The following WWOX variants were observed in gnomAD, a reference collection of about 807,000 sequenced individuals.
WWOX encodes the protein WW domain containing oxidoreductase, also known as WW domain-containing oxidoreductase.
Under a neutral mutation model 46.2 loss-of-function variants are expected in WWOX, and 69 were observed. The ratio of observed to expected loss-of-function variants is 1.49; its 90% CI spans 1.23 to 1.82. The LOEUF is 1.82. WWOX is among the 40% of genes most tolerant of loss of function. WWOX has a pLI of 0.00. For synonymous variants in WWOX, 359 were observed against 202.6 expected (o/e 1.77, Z -6.56); for missense variants, 919 against 542.6 (o/e 1.69, Z -6.89).
At chr16:78,602,910 C>T (rs1029443453) in intron 8 of WWOX, among the ~76,000 whole-genome samples, 2 of 152,134 alleles carry the variant, frequency 1.3e-5, no homozygotes, top group Non-Finnish European at 2.9e-5. Context: ...CTGTCTTCTG[C>T]ATACACTTTT....
chr16:79,162,497 C>A (rs2050506494), intron 8 of WWOX, among the ~76,000 whole-genome samples: 2 of 152,096 alleles, frequency 1.3e-5, no homozygotes, highest in Non-Finnish European at 2.9e-5. Context: ...TAGTAGGCAA[C>A]ATTGATGGTA....
intron 8 of WWOX, among the ~76,000 whole-genome samples, chr16:78,968,326 A>G (rs115479993): frequency 0.036 from 5,456 of 152,224 alleles, 345 homozygotes; most frequent in African/African-American, 0.12. Context: ...GTCACCACCG[A>G]CCCGAGGCAG....
intron 5 of WWOX, among the ~76,000 whole-genome samples, chr16:78,313,771 G>A (rs1355811606): frequency 1.3e-5 from 2 of 152,142 alleles, no homozygotes; most frequent in Non-Finnish European, 2.9e-5. Flanking sequence ...CTTCTATTAT[G>A]GAAGAGGGCT....
chr16:78,177,732 A>C (rs548203806), intron 5 of WWOX, among the ~76,000 whole-genome samples: 1 of 152,306 alleles, frequency 6.6e-6, no homozygotes, highest in East Asian at 1.9e-4. Context: ...AGTGGTGGTG[A>C]TACAGTCCAT....
At chr16:78,720,584 G>C (rs760950068) in intron 8 of WWOX, among the ~76,000 whole-genome samples, 9 of 151,554 alleles carry the variant, frequency 5.9e-5, no homozygotes, top group Non-Finnish European at 1.3e-4. Flanking sequence ...AGATGTTCAG[G>C]ATTTCAGACC....
rs987996732 is a variant in WWOX, at chr16:78,538,748, A to G, written c.1056+105996A>G. On this transcript the variant is annotated intron_variant, in intron 8 of 8. Coordinates refer to ENST00000566780, the MANE Select transcript of WWOX (RefSeq NM_016373.4). The stretch of plus-strand genomic sequence containing the variant: ...ATTTCTAATACCAGCATCTGATTTT[A>G]AAACCCTGATTTAGGAGCATTTTCT... 2.0e-5 allele frequency among the ~76,000 whole-genome samples: 3 copies of G among 152,230 alleles called. No homozygotes were observed. In the East Asian group the frequency reaches 5.8e-4, roughly 29 times the overall value.
intron 8 of WWOX, among the ~76,000 whole-genome samples, chr16:79,081,557 C>T (rs1458212240): frequency 6.6e-6 from 1 of 152,220 alleles, no homozygotes; most frequent in Non-Finnish European, 1.5e-5. Context: ...ACTCTGCTAT[C>T]TGCTCTTTGT....
At chr16:78,810,351 C>A (rs932880873) in intron 8 of WWOX, among the ~76,000 whole-genome samples, 1 of 152,118 alleles carries the variant, frequency 6.6e-6, no homozygotes, top group Non-Finnish European at 1.5e-5. Flanking sequence ...TATGATCAGC[C>A]GGTATATTTA....
chr16:78,386,897 C>T lies in WWOX; in HGVS notation c.554C>T (p.Ala185Val), dbSNP rs1953823522. The T allele has an allele frequency of 6.2e-7, 1 of 1,613,990 alleles. No individual in the cohort carries two copies. Among genetic ancestry groups the T allele is most frequent in the Non-Finnish European group, 8.5e-7 (1 of 1,180,004 alleles). Reference sequence around the variant, plus strand: ...GTAGAAGCAATGACCCTGGACCTCGCTCTGCTCCGTAGCGTGCAGCATTTT... The same window carrying T: ...GTAGAAGCAATGACCCTGGACCTCGTTCTGCTCCGTAGCGTGCAGCATTTT... The part of the protein sequence containing the change: ...AKVEAMTLDL[A>V]LLRSVQHFAE... The change falls in exon 6 of 9, where the codon GCT becomes GTT. Residue 185 changes from alanine (A) to valine (V), a missense_variant. Physicochemically the swap from Ala to Val is moderately conservative, Grantham distance 64 (BLOSUM62 0). Coordinates refer to ENST00000566780, the MANE Select transcript of WWOX (RefSeq NM_016373.4).
chr16:78,513,955 A>G (rs1421151992), intron 8 of WWOX, among the ~76,000 whole-genome samples: 1 of 147,834 alleles, frequency 6.8e-6, no homozygotes, highest in Admixed American at 6.7e-5. Flanking sequence ...CCATTGGGAA[A>G]CTCTTCCCTT....
In WWOX at chr16:78,386,865, A is replaced by G; in HGVS notation, c.522A>G (p.Lys174=). Residue 174 remains lysine (K), a synonymous_variant, in exon 6 of 9, where the codon AAA becomes AAG. Coordinates refer to ENST00000566780, the MANE Select transcript of WWOX (RefSeq NM_016373.4). The stretch of plus-strand genomic sequence containing the variant: ...TTTATTTTCTCTCATTGCAGCATAA[A>G]GCCAAGGTAGAAGCAATGACCCTGG... The part of the protein sequence containing the change: ...AVSRILEEWH[K]AKVEAMTLDL... 1 of 1,613,936 alleles carries G rather than the reference A, an allele frequency of 6.2e-7. No homozygotes were observed. The highest frequency in any genetic ancestry group is 8.5e-7 in the Non-Finnish European group (1 of 1,179,848).
rs186088680 is a variant in WWOX at position 78,930,390 on chromosome 16, A to C, written c.1057-281218A>C. Among the ~76,000 whole-genome samples, 25 of 141,694 alleles carry C rather than the reference A, an allele frequency of 1.8e-4. 1 individual carries two copies. In the East Asian group the frequency reaches 4.3e-3, roughly 25 times the overall value. The allele number at this position is 141,694 out of a possible 152,430, so 93.0% of individuals were successfully genotyped here. On this transcript the variant is annotated intron_variant, in intron 8 of 8. Transcript: ENST00000566780. ...CCTCCTGGGCTCAGGCGATCCTCAC[A>C]CCTTAGCCTCCTGAGTAGCTGGGAC...
At chr16:78,422,663 G>GTGTATATATA (rs1438850450) in intron 6 of WWOX, among the ~76,000 whole-genome samples, 3 of 24,410 alleles carry the variant, frequency 1.2e-4, no homozygotes, top group African/African-American at 1.9e-4. Context: ...TTTTTTACAT[G>GTGTATATATA]TATATATATA....
At chr16:79,133,166 C>T (rs1413145288) in intron 8 of WWOX, among the ~76,000 whole-genome samples, 2 of 152,182 alleles carry the variant, frequency 1.3e-5, no homozygotes, top group Non-Finnish European at 2.9e-5. Context: ...TTCTTTTTAA[C>T]AACTTTATTT....
intron 8 of WWOX, among the ~76,000 whole-genome samples, chr16:78,474,252 C>G (rs1042297559): frequency 1.3e-5 from 2 of 152,202 alleles, no homozygotes; most frequent in Non-Finnish European, 2.9e-5. Flanking sequence ...TTTGATCATA[C>G]TAACCTGGGA....
intron 8 of WWOX, among the ~76,000 whole-genome samples, chr16:78,705,829 T>G (rs1313827839): frequency 6.6e-6 from 1 of 152,170 alleles, no homozygotes. Flanking sequence ...AAAACCCTAT[T>G]CCTATTCCTA....
At chr16:78,230,443 G>A (rs2037220128) in intron 5 of WWOX, among the ~76,000 whole-genome samples, 1 of 152,198 alleles carries the variant, frequency 6.6e-6, no homozygotes, top group African/African-American at 2.4e-5. Flanking sequence ...GCCAGCCTGG[G>A]AAAGCAATTA....
intron 8 of WWOX, among the ~76,000 whole-genome samples, chr16:79,156,536 A>G (rs1175608003): frequency 6.6e-6 from 1 of 152,194 alleles, no homozygotes; most frequent in Non-Finnish European, 1.5e-5. Context: ...AAGGTGTTGG[A>G]AGGAAAATTA....
intron 8 of WWOX, among the ~76,000 whole-genome samples, chr16:78,850,292 C>T (rs1326192137): frequency 6.6e-6 from 1 of 152,152 alleles, no homozygotes; most frequent in African/African-American, 2.4e-5. Context: ...AGATTTTCCC[C>T]TATGAATGAG....
Sources: gnomAD v4.1 joint callset for allele counts (sites outside exome capture counted in the v4.1 genomes callset) on GRCh38, gnomAD v4.1.1 for gene constraint, MANE v1.5 for transcripts, NCBI Gene and HGNC (gene_info 2026-07-23, HGNC 2026-07-21) for gene names.